Variants in FCN3 observed in about 807,000 individuals in gnomAD.
FCN3 encodes ficolin 3, also known as ficolin-3.
A neutral mutation model predicts 31.5 loss-of-function variants in FCN3; 28 were observed. The observed-to-expected ratio is 0.89, with a 90% CI of 0.66 to 1.22. The LOEUF (loss-of-function observed/expected upper bound fraction) is 1.22, where lower values mean the gene tolerates loss of function less well. FCN3 is among the 50% of genes most tolerant of loss of function. The probability of loss-of-function intolerance (pLI) is 0.00; values close to 1 mark genes in which losing one functional copy is unlikely to be tolerated. For missense variants in FCN3, 351 were observed against 386.8 expected, an observed-to-expected ratio of 0.91 and a Z score of 0.78; for synonymous variants, 124 against 147.4, an observed-to-expected ratio of 0.84 and a Z score of 1.15.
chr1:27,371,085 T>A, intron 5 of FCN3, 113 bp from the exon 6 acceptor site: 1 of 1,059,254 alleles, frequency 9.4e-7, no homozygotes, highest in East Asian at 2.4e-5. Context: ...TTGGGGCCTG[T>A]TGATAAAATG....
intron 7 of FCN3, among the ~76,000 whole-genome samples, 173 bp from the exon 8 acceptor site, chr1:27,369,650 C>T (rs1030828626): frequency 5.3e-5 from 8 of 152,176 alleles, no homozygotes; most frequent in South Asian, 2.1e-4. Flanking sequence ...GTTGAAGCAG[C>T]GGCAGGACTT....
chr1:27,373,728 T>A lies in FCN3; in HGVS notation c.233-208A>T, dbSNP rs1019836228. 98 of 626,298 alleles carry A rather than the reference T, an allele frequency of 1.6e-4. 1 individual carries two copies. The highest frequency in any genetic ancestry group is 1.0e-3 in the African/African-American group (47 of 45,308). The allele number at this position is 626,298 out of a possible 1,614,324, so 38.8% of individuals were successfully genotyped here. A position where few individuals can be genotyped will look rare whatever the true frequency, so the allele number is the denominator to read the frequency against. ...GCCTTCCAAACCCTGTAGGAGGGCCTTCATAGGGTACCCAGGCCCTTCTCC... is the reference window on the plus strand; with the variant it reads ...GCCTTCCAAACCCTGTAGGAGGGCCATCATAGGGTACCCAGGCCCTTCTCC... On this transcript the variant is annotated intron_variant, in intron 3 of 7. Coordinates refer to ENST00000270879, the MANE Select transcript of FCN3 (RefSeq NM_003665.4).
rs765301683 is a variant in FCN3 at position 27,374,767 on chromosome 1, G to GC, written c.51dup (p.Pro18AlafsTer59). Reference sequence around the variant, plus strand: ...TGTTCCTGGGTCTTCAGGCAGGCAGGCCCCCCAAGCAGGAGAAGCCACAGG... The same window carrying GC: ...TGTTCCTGGGTCTTCAGGCAGGCAGGCCCCCCCAAGCAGGAGAAGCCACAGG... On this transcript the variant is annotated frameshift_variant, in exon 1 of 8. Transcript: ENST00000270879. LOFTEE classifies it high-confidence loss of function. The GC allele has an allele frequency of 4.3e-6, 6 of 1,386,504 alleles. No homozygotes were observed. Among genetic ancestry groups the GC allele is most frequent in the East Asian group, 2.7e-5 (1 of 37,044 alleles). 85.9% of individuals were successfully genotyped at this position (1,386,504 alleles called of 1,614,324 possible). A position where few individuals can be genotyped will look rare whatever the true frequency, so the allele number is the denominator to read the frequency against.
intron 3 of FCN3, 32 bp downstream of exon 3, chr1:27,373,933 A>T: frequency 1.9e-6 from 3 of 1,603,034 alleles, no homozygotes; most frequent in Non-Finnish European, 2.6e-6. Context: ...GAGGCAAAGA[A>T]AGCGGGGAGG....
intron 5 of FCN3, among the ~76,000 whole-genome samples, chr1:27,372,105 C>G (rs2016157723): frequency 6.6e-6 from 1 of 152,090 alleles, no homozygotes; most frequent in African/African-American, 2.4e-5. Flanking sequence ...TCTTCCTAAA[C>G]CATGTCCCTG....
At chr1:27,372,773 A>ATTTTTTTTTTTTTTT (rs71010351) in intron 5 of FCN3, among the ~76,000 whole-genome samples, 2 of 96,440 alleles carry the variant, frequency 2.1e-5, no homozygotes, top group African/African-American at 4.0e-5. Flanking sequence ...TCCCTACCCT[A>ATTTTTTTTTTTTTTT]TTTTTTTTTT....
chr1:27,371,833 C>T (rs1440777307), intron 5 of FCN3, among the ~76,000 whole-genome samples: 1 of 148,256 alleles, frequency 6.7e-6, no homozygotes, highest in Non-Finnish European at 1.5e-5. Context: ...GATCTCGGCT[C>T]ACTGCAACCT....
chr1:27,370,515 G>T, intron 7 of FCN3, 81 bp downstream of exon 7: 1 of 1,240,384 alleles, frequency 8.1e-7, no homozygotes, highest in African/African-American at 1.5e-5. Context: ...AGACAGGATT[G>T]CCCTGGGTCA....
Position 27,369,470 on chromosome 1 carries a change from G to A in FCN3, c.666C>T (p.Ser222=). 1 of 1,613,832 alleles carries A rather than the reference G, an allele frequency of 6.2e-7. No homozygotes were observed. Among genetic ancestry groups the A allele is most frequent in the Non-Finnish European group, 8.5e-7 (1 of 1,179,730 alleles). ...AGGGCCTCCCACTGTGGAGGCTCAG[G>A]GAATCCCCTAGCAGGGAAGGGATGG... ...GKFSEGTAGD[S]LSLHSGRPFT... is the part of the protein sequence containing the mutation. Residue 222 remains serine, a synonymous_variant, in exon 8 of 8, where the codon TCC becomes TCT. Transcript: ENST00000270879.
rs1041231796 is a variant in FCN3 at position 27,370,443 on chromosome 1, T to C, written c.658+153A>G. 5 of 686,140 alleles carry C rather than the reference T, an allele frequency of 7.3e-6. No individual in the cohort carries two copies. The African/African-American group carries it at 9.0e-5, about 12-fold the overall frequency. The allele number at this position is 686,140 out of a possible 1,614,324, so 42.5% of individuals were successfully genotyped here. On this transcript the variant is annotated intron_variant, in intron 7 of 7. Coordinates refer to ENST00000270879, the MANE Select transcript of FCN3 (RefSeq NM_003665.4). ...TGCCTCCAGATCCCAAATTCTTCACTGTTGCACCATCCTGTTTCATGATTG... is the reference window on the plus strand; with the variant it reads ...TGCCTCCAGATCCCAAATTCTTCACCGTTGCACCATCCTGTTTCATGATTG...
intron 5 of FCN3, 94 bp from the exon 6 acceptor site, chr1:27,371,066 C>A: frequency 4.0e-6 from 5 of 1,262,394 alleles, no homozygotes; most frequent in African/African-American, 1.5e-5. Context: ...TACCCACTCT[C>A]TCTTTGGATT....
intron 2 of FCN3, 57 bp downstream of exon 2, chr1:27,374,299 C>T: frequency 7.6e-7 from 1 of 1,316,662 alleles, no homozygotes; most frequent in Non-Finnish European, 1.1e-6. Context: ...ACAAAAATTG[C>T]TACTTTCCTG....
chr1:27,373,670 A>C, intron 3 of FCN3, 150 bp from the exon 4 acceptor site: 1 of 815,754 alleles, frequency 1.2e-6, no homozygotes, highest in South Asian at 1.5e-5. Context: ...TAGGGTACCC[A>C]GGCCCTTCTC....
intron 2 of FCN3, 33 bp from the exon 3 acceptor site, chr1:27,374,042 C>T (rs747725294): frequency 1.9e-6 from 3 of 1,599,160 alleles, no homozygotes. Context: ...TTCCTGAGTC[C>T]CACCCCATGC....
chr1:27,371,395 G>C (rs1049365724), intron 5 of FCN3, among the ~76,000 whole-genome samples: 5 of 152,102 alleles, frequency 3.3e-5, no homozygotes, highest in African/African-American at 4.8e-5. Flanking sequence ...GGCCAACATG[G>C]TGAAATCCCG....
chr1:27,369,593 C>T (rs532405060), intron 7 of FCN3, 116 bp from the exon 8 acceptor site: 21 of 935,134 alleles, frequency 2.2e-5, no homozygotes, highest in South Asian at 1.7e-4. Context: ...TCAGGCCCCA[C>T]GAGCAACACC....
At chr1:27,374,244 C>A in intron 2 of FCN3, 112 bp downstream of exon 2, 1 of 802,056 alleles carries the variant, frequency 1.2e-6, no homozygotes. Flanking sequence ...CTGGAGCTGG[C>A]ACAGAGTAGG....
chr1:27,369,421 C>G lies in FCN3; in HGVS notation c.715G>C (p.Asp239His), dbSNP rs778768902. The G allele has an allele frequency of 4.3e-6, 7 of 1,614,214 alleles. No homozygotes were observed. Among genetic ancestry groups the G allele is most frequent in the Non-Finnish European group, 5.9e-6 (7 of 1,180,028 alleles). The change falls in exon 8 of 8, where the codon GAT (aspartate) becomes CAT (histidine). Residue 239 changes from aspartate (D) to histidine (H), a missense_variant. By Grantham distance (81) the Asp-to-His change is moderately conservative. Transcript: ENST00000270879. The stretch of plus-strand genomic sequence containing the variant: ...ACTGCACAGTTGCTGTTGCTTGAAT[C>G]GTGGTCAGCGTCATAGGTGGTAAAG... ...RPFTTYDADH[D>H]SSNSNCAVIV...
rs1483751460 is a variant in FCN3, at chr1:27,369,271, G to A, written c.865C>T (p.His289Tyr). The A allele has an allele frequency of 6.2e-7, 1 of 1,614,212 alleles. No individual in the cohort carries two copies. The highest frequency in any genetic ancestry group is 1.7e-5 in the Admixed American group (1 of 60,022). The change falls in exon 8 of 8, where the codon CAC becomes TAC. Residue 289 changes from histidine (H) to tyrosine (Y), a missense_variant. Coordinates refer to ENST00000270879, the MANE Select transcript of FCN3 (RefSeq NM_003665.4). ...IDWASGRGVG[H>Y]PYRRVRMMLR Reference sequence around the variant, plus strand: ...ATCATCCGAACCCTGCGGTAGGGGTGGCCCACACCACGGCCTGAGGCCCAG... The same window carrying A: ...ATCATCCGAACCCTGCGGTAGGGGTAGCCCACACCACGGCCTGAGGCCCAG...
Sources: allele counts gnomAD v4.1 joint callset (sites outside exome capture counted in the v4.1 genomes callset), GRCh38; gene constraint gnomAD v4.1.1; transcripts MANE v1.5; gene names NCBI Gene and HGNC (gene_info 2026-07-23, HGNC 2026-07-21).